Variants in GPC6 observed in about 807,000 individuals in gnomAD.
GPC6 encodes glypican-6.
Under a neutral mutation model 55.2 loss-of-function variants are expected in GPC6, and 14 were observed. That is an observed-to-expected ratio of 0.25 (90% CI 0.17 to 0.40). GPC6 has a LOEUF of 0.40. Ranked by LOEUF, GPC6 falls within the 10% of genes least tolerant of loss-of-function variation. The probability of loss-of-function intolerance (pLI) is 1.00; values close to 1 mark genes in which losing one functional copy is unlikely to be tolerated. For missense variants in GPC6, 641 were observed against 708.5 expected, an observed-to-expected ratio of 0.90 and a Z score of 1.08; for synonymous variants, 278 against 259.6, an observed-to-expected ratio of 1.07 and a Z score of -0.68.
chr13:93,737,618 C>T (rs528962781), intron 2 of GPC6, among the ~76,000 whole-genome samples: 2 of 152,054 alleles, frequency 1.3e-5, no homozygotes, highest in African/African-American at 4.8e-5. Context: ...GCTTTTTTTA[C>T]AATAGAAGAT....
chr13:93,311,156 T>C (rs930551974), intron 1 of GPC6, among the ~76,000 whole-genome samples: 1 of 152,216 alleles, frequency 6.6e-6, no homozygotes, highest in African/African-American at 2.4e-5. Flanking sequence ...CAATGCCAGC[T>C]GGGACTCACT....
chr13:93,301,487 A>AT (rs1878678280), intron 1 of GPC6, among the ~76,000 whole-genome samples: 1 of 152,214 alleles, frequency 6.6e-6, no homozygotes, highest in South Asian at 2.1e-4. Flanking sequence ...TGCATTAGCT[A>AT]TGCTGAGCTT....
intron 3 of GPC6, among the ~76,000 whole-genome samples, chr13:93,875,069 A>T (rs1171437054): frequency 2.0e-5 from 3 of 151,968 alleles, no homozygotes. Flanking sequence ...TGATAAATTG[A>T]TTCAATTAAT....
intron 4 of GPC6, among the ~76,000 whole-genome samples, chr13:94,029,520 G>A (rs1883032528): frequency 6.6e-6 from 1 of 152,118 alleles, no homozygotes; most frequent in African/African-American, 2.4e-5. Context: ...TGATAAAAAG[G>A]TACACTCATC....
At chr13:93,782,734 A>G (rs1285685730) in intron 2 of GPC6, among the ~76,000 whole-genome samples, 1 of 152,090 alleles carries the variant, frequency 6.6e-6, no homozygotes, top group East Asian at 1.9e-4. Context: ...TTCTTTTAAG[A>G]AATATTTGTT....
chr13:94,393,593 G>A (rs1880763958), intron 7 of GPC6, among the ~76,000 whole-genome samples: 1 of 152,170 alleles, frequency 6.6e-6, no homozygotes, highest in Non-Finnish European at 1.5e-5. Flanking sequence ...CCTTGAGGCA[G>A]TAGCAGTCAG....
At chr13:93,274,870 A>T (rs1877673394) in intron 1 of GPC6, among the ~76,000 whole-genome samples, 1 of 152,242 alleles carries the variant, frequency 6.6e-6, no homozygotes, top group Non-Finnish European at 1.5e-5. Flanking sequence ...TGTGCTTTCA[A>T]AGTGCTTTAA....
chr13:93,701,108 G>T (rs185013663), intron 2 of GPC6, among the ~76,000 whole-genome samples: 1 of 152,098 alleles, frequency 6.6e-6, no homozygotes, highest in Non-Finnish European at 1.5e-5. Flanking sequence ...AGGACCTTGA[G>T]AATTTGACTT....
At chr13:94,165,659 A>T (rs972364012) in intron 4 of GPC6, among the ~76,000 whole-genome samples, 1 of 152,164 alleles carries the variant, frequency 6.6e-6, no homozygotes, top group Non-Finnish European at 1.5e-5. Flanking sequence ...ATTTTTTTTA[A>T]ATTATATCCA....
intron 6 of GPC6, among the ~76,000 whole-genome samples, chr13:94,307,162 C>T (rs947058580): frequency 2.0e-5 from 3 of 152,116 alleles, no homozygotes; most frequent in Non-Finnish European, 4.4e-5. Flanking sequence ...AATGTGCTTA[C>T]AACCTAAAGG....
intron 1 of GPC6, among the ~76,000 whole-genome samples, chr13:93,521,699 G>A (rs1259393175): frequency 3.9e-5 from 6 of 151,956 alleles, no homozygotes; most frequent in Non-Finnish European, 1.5e-5. Flanking sequence ...ACTTATATGA[G>A]GTGATTGGTG....
At chr13:93,583,997 T>C (rs553612134) in intron 2 of GPC6, among the ~76,000 whole-genome samples, 3 of 152,168 alleles carry the variant, frequency 2.0e-5, no homozygotes, top group Non-Finnish European at 4.4e-5. Context: ...ACATCTTAGC[T>C]ACATGGCCGC....
At chr13:93,418,786 T>C (rs1876808064) in intron 1 of GPC6, among the ~76,000 whole-genome samples, 1 of 151,084 alleles carries the variant, frequency 6.6e-6, no homozygotes, top group South Asian at 2.1e-4. Context: ...CACTATACCA[T>C]AGCATCACTT....
chr13:93,289,228 A>G (rs1878237662), intron 1 of GPC6, among the ~76,000 whole-genome samples: 1 of 152,148 alleles, frequency 6.6e-6, no homozygotes, highest in Non-Finnish European at 1.5e-5. Flanking sequence ...ACAAGGGGAG[A>G]ACCCTAACCT....
chr13:94,277,303 T>A (rs1892246316), intron 4 of GPC6, among the ~76,000 whole-genome samples: 1 of 152,108 alleles, frequency 6.6e-6, no homozygotes, highest in African/African-American at 2.4e-5. Flanking sequence ...TACATTTTTT[T>A]AAGTTCCTTG....
At chr13:93,611,193 T>C (rs1393363478) in intron 2 of GPC6, among the ~76,000 whole-genome samples, 1 of 152,110 alleles carries the variant, frequency 6.6e-6, no homozygotes. Context: ...TTCCATAGGG[T>C]AAAATTCTGG....
At position 93,906,878 on chromosome 13, in the gene GPC6, A is replaced by G. The variant is rs77536871; in HGVS notation, c.711+76333A>G. ...CTGAAAGAACTGAGTCTAACAAGGA[A>G]TTTGTTTTGTTAACTAGTAGATACA... On this transcript the variant is annotated intron_variant, in intron 3 of 8. Transcript: ENST00000377047. Among the ~76,000 whole-genome samples, 228 of 152,286 alleles carry G rather than the reference A, an allele frequency of 1.5e-3. 5 individuals carry two copies. The East Asian group carries it at 0.033, about 22-fold the overall frequency.
chr13:94,000,308 A>G (rs1222900338), intron 3 of GPC6, among the ~76,000 whole-genome samples: 1 of 151,964 alleles, frequency 6.6e-6, no homozygotes, highest in Non-Finnish European at 1.5e-5. Context: ...AAAATAAACC[A>G]CCTTTGAAAT....
intron 2 of GPC6, among the ~76,000 whole-genome samples, chr13:93,607,675 T>G (rs947114789): frequency 6.6e-6 from 1 of 152,226 alleles, no homozygotes; most frequent in South Asian, 2.1e-4. Flanking sequence ...GTCAGCTGGA[T>G]GCACTCCTTT....
Sources: allele counts gnomAD v4.1 joint callset (sites outside exome capture counted in the v4.1 genomes callset), GRCh38; gene constraint gnomAD v4.1.1; transcripts MANE v1.5; gene names NCBI Gene and HGNC (gene_info 2026-07-23, HGNC 2026-07-21).